The following DHRSX variants were observed in gnomAD, a reference collection of about 807,000 sequenced individuals.
DHRSX encodes the protein dehydrogenase/reductase X-linked.
A neutral mutation model predicts 34.0 loss-of-function variants in DHRSX; 31 were observed. That is an observed-to-expected ratio of 0.91 (90% CI 0.69 to 1.23). The LOEUF is 1.23. DHRSX is among the 50% of genes most tolerant of loss of function. The pLI is 0.00. For synonymous variants in DHRSX, 201 were observed against 183.8 expected, an observed-to-expected ratio of 1.09 and a Z score of -0.76; for missense variants, 414 against 428.1, an observed-to-expected ratio of 0.97 and a Z score of 0.29.
At chrX:2,497,957 GGCC>G (rs2045322749) in intron 1 of DHRSX, among the ~76,000 whole-genome samples, 1 of 152,040 alleles carries the variant, frequency 6.6e-6, no homozygotes, top group Admixed American at 6.6e-5. Flanking sequence ...TTACTGAATG[GGCC>G]GCATGGATAT....
At chrX:2,364,741 AT>A (rs2042977999) in intron 3 of DHRSX, among the ~76,000 whole-genome samples, 1 of 151,970 alleles carries the variant, frequency 6.6e-6, no homozygotes, top group Non-Finnish European at 1.5e-5. Context: ...TTTATCTATC[AT>A]TTATCTATCT....
At chrX:2,397,155 C>T (rs1485651925) in intron 3 of DHRSX, among the ~76,000 whole-genome samples, 2 of 151,778 alleles carry the variant, frequency 1.3e-5, no homozygotes, top group Non-Finnish European at 2.9e-5. Flanking sequence ...ACGCACACCA[C>T]GCCTGACTAA....
intron 1 of DHRSX, among the ~76,000 whole-genome samples, chrX:2,429,201 G>T (rs1394891630): frequency 6.6e-6 from 1 of 151,146 alleles, no homozygotes; most frequent in African/African-American, 2.5e-5. Context: ...AGTATCAGTA[G>T]ATGTATTGAT....
intron 2 of DHRSX, among the ~76,000 whole-genome samples, chrX:2,424,682 G>C (rs1320360683): frequency 6.6e-6 from 1 of 152,142 alleles, no homozygotes; most frequent in African/African-American, 2.4e-5. Context: ...TATTTAAGCA[G>C]AATATATATC....
At chrX:2,296,245 G>GA (rs1303759633) in intron 3 of DHRSX, among the ~76,000 whole-genome samples, 2 of 152,114 alleles carry the variant, frequency 1.3e-5, no homozygotes, top group Non-Finnish European at 2.9e-5. Flanking sequence ...GGCACACCCA[G>GA]AAAAAAGTCA....
intron 3 of DHRSX, among the ~76,000 whole-genome samples, chrX:2,298,861 T>G (rs1050103342): frequency 1.3e-5 from 2 of 151,906 alleles, no homozygotes; most frequent in Non-Finnish European, 2.9e-5. Context: ...GGCACATGCC[T>G]GTAATCCCAG....
intron 6 of DHRSX, among the ~76,000 whole-genome samples, chrX:2,238,583 TTTC>T (rs1057364716): frequency 4.7e-5 from 7 of 149,158 alleles, no homozygotes; most frequent in Non-Finnish European, 7.4e-5. Flanking sequence ...GTTTTTCTTC[TTTC>T]TTTTTTTTTT....
chrX:2,270,707 G>A (rs778004180), intron 4 of DHRSX, among the ~76,000 whole-genome samples: 19 of 152,270 alleles, frequency 1.2e-4, no homozygotes, highest in Middle Eastern at 3.4e-3. Flanking sequence ...AAAAATAAAC[G>A]TGGATGGAGA....
chrX:2,452,613 T>A (rs182698957), intron 1 of DHRSX, among the ~76,000 whole-genome samples: 15 of 151,266 alleles, frequency 9.9e-5, no homozygotes, highest in Non-Finnish European at 1.6e-4. Context: ...ACCGCACTGA[T>A]GACGTTCCCT....
At chrX:2,454,755 T>C (rs2044272458) in intron 1 of DHRSX, among the ~76,000 whole-genome samples, 1 of 152,028 alleles carries the variant, frequency 6.6e-6, no homozygotes, top group South Asian at 2.1e-4. Context: ...CAAAACGACG[T>C]CATGTAGACT....
chrX:2,445,021 G>C lies in DHRSX; in HGVS notation c.110-19717C>G, dbSNP rs559356998. 6.5e-3 allele frequency among the ~76,000 whole-genome samples: 992 copies of C among 152,110 alleles called. 8 individuals are homozygous for C. Among genetic ancestry groups the C allele is most frequent in the South Asian group, 0.029 (137 of 4,788 alleles). On this transcript the variant is annotated intron_variant, in intron 1 of 6. Transcript: ENST00000334651. Reference sequence around the variant, plus strand: ...AAAATACAAAAATTAGCTGGGCCTGGTGGCGGACACCGGTAATCCCAGCTA... The same window carrying C: ...AAAATACAAAAATTAGCTGGGCCTGCTGGCGGACACCGGTAATCCCAGCTA...
intron 3 of DHRSX, among the ~76,000 whole-genome samples, chrX:2,344,646 T>C (rs1313957984): frequency 6.6e-6 from 1 of 151,708 alleles, no homozygotes; most frequent in African/African-American, 2.4e-5. Context: ...TTCTCACTCA[T>C]AAGTGAGAGT....
Position 2,430,849 on chromosome X carries a change from CA to C in DHRSX, c.110-5546del, listed in dbSNP as rs780768749. Among the ~76,000 whole-genome samples the C allele has an allele frequency of 8.7e-4, 131 of 150,614 alleles. 1 individual carries two copies. The highest frequency in any genetic ancestry group is 3.1e-3 in the African/African-American group (126 of 40,986). ...GCAACATAGTGAAGCCCCATTGCTA[CA>C]AAACAAAAAAAAAGGTACAAAAAAA... On this transcript the variant is annotated intron_variant, in intron 1 of 6. Transcript: ENST00000334651.
At chrX:2,373,603 G>A (rs73191317) in intron 3 of DHRSX, among the ~76,000 whole-genome samples, 41,476 of 152,048 alleles carry the variant, frequency 0.27, 6,224 homozygotes, top group Non-Finnish European at 0.36. Flanking sequence ...CCGCTGAACC[G>A]AGTCACCCTG....
In DHRSX at chrX:2,394,961, G is replaced by A. The variant is rs758508079; in HGVS notation, c.286+13784C>T. Among the ~76,000 whole-genome samples the A allele has an allele frequency of 2.8e-4, 43 of 152,034 alleles. 3 individuals carry two copies. The highest frequency in any genetic ancestry group is 2.0e-3 in the Admixed American group (31 of 15,252). The stretch of plus-strand genomic sequence containing the variant: ...ATGAGTGGTCAGCATTACAGGTGAT[G>A]GAGGGAGGTTGGAGTCCTAGGTGAG... On this transcript the variant is annotated intron_variant, in intron 3 of 6. Coordinates refer to ENST00000334651, the MANE Select transcript of DHRSX (RefSeq NM_145177.3).
At chrX:2,342,427 G>A (rs1406012071) in intron 3 of DHRSX, among the ~76,000 whole-genome samples, 1 of 151,956 alleles carries the variant, frequency 6.6e-6, no homozygotes, top group African/African-American at 2.4e-5. Flanking sequence ...TCTATTTCTA[G>A]CTCCTGGGCA....
At chrX:2,384,120 G>A (rs2043244056) in intron 3 of DHRSX, among the ~76,000 whole-genome samples, 2 of 152,138 alleles carry the variant, frequency 1.3e-5, no homozygotes, top group South Asian at 2.1e-4. Flanking sequence ...CGAAAATGAC[G>A]GAGTGTTTTT....
chrX:2,364,564 C>T (rs1248279385), intron 3 of DHRSX, among the ~76,000 whole-genome samples: 4 of 152,190 alleles, frequency 2.6e-5, no homozygotes, highest in Non-Finnish European at 5.9e-5. Context: ...GACCTATTTA[C>T]CACCTATCAC....
intron 3 of DHRSX, among the ~76,000 whole-genome samples, chrX:2,367,208 G>A (rs1212370745): frequency 3.3e-5 from 5 of 152,080 alleles, no homozygotes; most frequent in African/African-American, 9.7e-5. Context: ...GGGAGGCTGA[G>A]GTGGGCGGAT....
Sources: allele counts gnomAD v4.1 joint callset (sites outside exome capture counted in the v4.1 genomes callset), GRCh38; gene constraint gnomAD v4.1.1; transcripts MANE v1.5; gene names NCBI Gene and HGNC (gene_info 2026-07-23, HGNC 2026-07-21).